Variants in SCN7A observed in about 807,000 individuals in gnomAD.
The protein encoded by SCN7A is sodium voltage-gated channel alpha subunit 7, also known as sodium channel protein type 7 subunit alpha.
In SCN7A, 138 loss-of-function variants were observed where a neutral mutation model predicts 155.2. That is an observed-to-expected ratio of 0.89 (90% CI 0.77 to 1.02). SCN7A has a LOEUF of 1.02. Ranked by LOEUF, SCN7A falls within the 50% of genes least tolerant of loss-of-function variation. SCN7A has a pLI of 0.00. For synonymous variants in SCN7A, 693 were observed against 649.0 expected (o/e 1.07, Z -1.03); for missense variants, 2,058 against 1,986.6 (o/e 1.04, Z -0.68).
At position 166,477,519 on chromosome 2, in the gene SCN7A, C is replaced by T; in HGVS notation, c.178G>A (p.Gly60Arg). ...TCTTCCAAGGGCTCTGACACCATTC[C>T]TTGAGAAAGGTTTCCATAAATAAAT... ...LPFIYGNLSQ[G>R]MVSEPLEDVD... The change falls in exon 3 of 26, where the codon GGA becomes AGA. Residue 60 changes from glycine to arginine, a missense_variant. Gly to Arg is a moderately radical substitution (Grantham distance 125, BLOSUM62 -2). Transcript: ENST00000643258. The T allele has an allele frequency of 6.4e-7, 1 of 1,557,496 alleles. No individual in the cohort carries two copies. Among genetic ancestry groups the T allele is most frequent in the Non-Finnish European group, 8.7e-7 (1 of 1,149,044 alleles).
chr2:166,425,058 A>T (rs1316903067), intron 18 of SCN7A, among the ~76,000 whole-genome samples: 1 of 152,080 alleles, frequency 6.6e-6, no homozygotes, highest in African/African-American at 2.4e-5. Flanking sequence ...GGCTGAGTGG[A>T]ATAGAGATAT....
intron 10 of SCN7A, among the ~76,000 whole-genome samples, chr2:166,458,594 G>C (rs933012191): frequency 2.0e-5 from 3 of 152,130 alleles, no homozygotes; most frequent in East Asian, 3.9e-4. Context: ...GATTCCAAAG[G>C]AGCTGTTCTA....
chr2:166,434,278 A>G (rs1010707678), intron 15 of SCN7A, among the ~76,000 whole-genome samples: 2 of 152,208 alleles, frequency 1.3e-5, no homozygotes, highest in Admixed American at 1.3e-4. Context: ...TAAAACTTGT[A>G]TAGAAAAATC....
intron 1 of SCN7A, among the ~76,000 whole-genome samples, chr2:166,489,503 T>G (rs1322169038): frequency 6.6e-6 from 1 of 152,224 alleles, no homozygotes; most frequent in Non-Finnish European, 1.5e-5. Context: ...ACAGCTTGAC[T>G]AAAATGACAT....
rs768170397 is a variant in SCN7A, at chr2:166,472,269, T to G, written c.572+48A>C. ...CGTCAATTATTTTTTATGAAAAACA[T>G]TTTCTGAGCAAAACATTAAAATAGA... On this transcript the variant is annotated intron_variant, in intron 6 of 25. Transcript: ENST00000643258. The G allele has an allele frequency of 2.6e-6, 4 of 1,520,188 alleles. No individual in the cohort carries two copies. The East Asian group carries it at 9.3e-5, about 35-fold the overall frequency. 94.2% of individuals were successfully genotyped at this position (1,520,188 alleles called of 1,614,324 possible). A position where few individuals can be genotyped will look rare whatever the true frequency, so the allele number is the denominator to read the frequency against.
intron 15 of SCN7A, among the ~76,000 whole-genome samples, chr2:166,433,763 C>G (rs1264954074): frequency 6.6e-6 from 1 of 152,074 alleles, no homozygotes; most frequent in East Asian, 1.9e-4. Context: ...GTCCTGCATA[C>G]CATATCTAAT....
intron 10 of SCN7A, among the ~76,000 whole-genome samples, chr2:166,457,396 A>T (rs985156531): frequency 6.6e-6 from 1 of 152,240 alleles, no homozygotes; most frequent in Non-Finnish European, 1.5e-5. Flanking sequence ...TCATCTCTTG[A>T]TATAGAAACT....
At position 166,415,475 on chromosome 2, in the gene SCN7A, G is replaced by A. The variant is rs572131965; in HGVS notation, c.3414+1232C>T. Among the ~76,000 whole-genome samples the A allele has an allele frequency of 1.5e-4, 23 of 151,870 alleles. 1 individual carries two copies. Among genetic ancestry groups the A allele is most frequent in the Admixed American group, 6.6e-4 (10 of 15,238 alleles). ...CTTGACCTCATGATCTGCCCACCTC[G>A]GCCTCCCAAAGTGCTGGGATTACAG... On this transcript the variant is annotated intron_variant, in intron 21 of 25. Coordinates refer to ENST00000643258, the MANE Select transcript of SCN7A (RefSeq NM_002976.4).
At chr2:166,487,867 G>A (rs1703086887) in intron 1 of SCN7A, among the ~76,000 whole-genome samples, 1 of 152,106 alleles carries the variant, frequency 6.6e-6, no homozygotes, top group African/African-American at 2.4e-5. Context: ...TGTGCAGCAG[G>A]AAATAAGGAT....
chr2:166,475,898 C>G (rs1702786281), intron 3 of SCN7A, among the ~76,000 whole-genome samples: 1 of 151,938 alleles, frequency 6.6e-6, no homozygotes, highest in Non-Finnish European at 1.5e-5. Flanking sequence ...CCAAGAGTAA[C>G]TCTGGGCCTT....
intron 21 of SCN7A, chr2:166,414,847 A>C (rs1701327262): frequency 7.5e-6 from 1 of 132,560 alleles, no homozygotes; most frequent in South Asian, 2.2e-4. Flanking sequence ...TATAATATAT[A>C]GGATATATAA....
At chr2:166,453,754 A>C (rs1702223285) in intron 11 of SCN7A, among the ~76,000 whole-genome samples, 1 of 152,152 alleles carries the variant, frequency 6.6e-6, no homozygotes, top group Non-Finnish European at 1.5e-5. Flanking sequence ...TGAGGATATG[A>C]AGCACCTAAG....
In SCN7A at chr2:166,423,379, T is replaced by G; in HGVS notation, c.2907A>C (p.Glu969Asp). The change falls in exon 19 of 26, where the codon GAA becomes GAC. Residue 969 changes from glutamate to aspartate, a missense_variant. Coordinates refer to ENST00000643258, the MANE Select transcript of SCN7A (RefSeq NM_002976.4). ...TATAAGTAAAGATCATGTCAGCATA[T>G]TCTAATAAAATTTTAATTGTCTTTC... The part of the protein sequence containing the change: ...DQRKTIKILL[E>D]YADMIFTYIF... 2 of 1,604,242 alleles carry G rather than the reference T, an allele frequency of 1.2e-6. No individual in the cohort carries two copies. Among genetic ancestry groups the G allele is most frequent in the Non-Finnish European group, 1.7e-6 (2 of 1,176,660 alleles).
chr2:166,463,691 A>C (rs1260382691), intron 9 of SCN7A, among the ~76,000 whole-genome samples: 1 of 152,186 alleles, frequency 6.6e-6, no homozygotes, highest in Admixed American at 6.5e-5. Flanking sequence ...GACAGATACA[A>C]AGAGATGGGT....
chr2:166,419,657 G>A (rs13004313), intron 20 of SCN7A, among the ~76,000 whole-genome samples: 17,470 of 152,020 alleles, frequency 0.11, 1,184 homozygotes, highest in Middle Eastern at 0.16. Context: ...GTAAGCCACC[G>A]TGCCTAGGCT....
intron 11 of SCN7A, among the ~76,000 whole-genome samples, chr2:166,448,595 G>A (rs1313541554): frequency 6.6e-6 from 1 of 152,004 alleles, no homozygotes; most frequent in African/African-American, 2.4e-5. Context: ...GAATTTTTGG[G>A]TTTTATCACT....
chr2:166,465,595 C>T, intron 8 of SCN7A, 64 bp from the exon 9 acceptor site: 1 of 1,319,030 alleles, frequency 7.6e-7, no homozygotes, highest in South Asian at 1.3e-5. Context: ...AGTAGAAGTC[C>T]ATTTGGATCT....
At chr2:166,422,735 G>A (rs1342603279) in intron 19 of SCN7A, among the ~76,000 whole-genome samples, 1 of 152,146 alleles carries the variant, frequency 6.6e-6, no homozygotes, top group Non-Finnish European at 1.5e-5. Context: ...TTTAACATAA[G>A]GTTTCAAGAG....
chr2:166,473,107 C>A (rs147789040), intron 5 of SCN7A, among the ~76,000 whole-genome samples: 1 of 151,518 alleles, frequency 6.6e-6, no homozygotes, highest in Non-Finnish European at 1.5e-5. Flanking sequence ...ATAATCTGCA[C>A]AACAAAACCC....
Sources: allele counts gnomAD v4.1 joint callset (sites outside exome capture counted in the v4.1 genomes callset), GRCh38; gene constraint gnomAD v4.1.1; transcripts MANE v1.5; gene names NCBI Gene and HGNC (gene_info 2026-07-23, HGNC 2026-07-21).